PCDH15: variants seen among roughly 807,000 people sequenced by gnomAD.
PCDH15 encodes the protein protocadherin related 15.
In PCDH15, 129 loss-of-function variants were observed where a neutral mutation model predicts 178.5. The observed-to-expected ratio is 0.72, with a 90% CI of 0.63 to 0.84. The LOEUF (loss-of-function observed/expected upper bound fraction) is 0.84. PCDH15 is among the 40% of genes least tolerant of loss of function. The pLI is 0.00. For missense variants in PCDH15, 2,230 were observed against 2,099.9 expected (o/e 1.06, Z -1.21); for synonymous variants, 800 against 732.0 (o/e 1.09, Z -1.50).
intron 2 of PCDH15, among the ~76,000 whole-genome samples, chr10:55,365,088 C>T (rs1845323276): frequency 6.6e-6 from 1 of 152,038 alleles, no homozygotes; most frequent in South Asian, 2.1e-4. Flanking sequence ...GTAATTTCAA[C>T]ATTTTTTTCT....
intron 2 of PCDH15, among the ~76,000 whole-genome samples, chr10:54,909,748 G>C (rs1338610844): frequency 6.6e-6 from 1 of 152,124 alleles, no homozygotes; most frequent in East Asian, 1.9e-4. Flanking sequence ...AGCTGCAGTT[G>C]CTCCTGGGGA....
chr10:54,058,697 TC>T (rs144165017), intron 18 of PCDH15, among the ~76,000 whole-genome samples: 22,077 of 91,230 alleles, frequency 0.24, 1,723 homozygotes, highest in Admixed American at 0.27. Flanking sequence ...TTTCTTTCTT[TC>T]TTTTTTTTTT....
chr10:54,121,973 A>C (rs991144130), intron 15 of PCDH15, among the ~76,000 whole-genome samples: 1 of 148,986 alleles, frequency 6.7e-6, no homozygotes, highest in African/African-American at 2.5e-5. Context: ...AGCCAGCATC[A>C]CCTAATATCT....
At chr10:55,397,089 T>G (rs1052822409) in intron 2 of PCDH15, among the ~76,000 whole-genome samples, 1 of 152,192 alleles carries the variant, frequency 6.6e-6, no homozygotes, top group Non-Finnish European at 1.5e-5. Context: ...TGCTATGTAG[T>G]TATATAAATT....
At chr10:55,173,980 T>G (rs1839412056) in intron 1 of PCDH15, among the ~76,000 whole-genome samples, 1 of 152,128 alleles carries the variant, frequency 6.6e-6, no homozygotes, top group South Asian at 2.1e-4. Context: ...ATTTCACACT[T>G]TATGGTACAT....
chr10:53,981,144 T>C (rs1247724709), intron 21 of PCDH15, among the ~76,000 whole-genome samples: 1 of 152,172 alleles, frequency 6.6e-6, no homozygotes, highest in Admixed American at 6.5e-5. Context: ...TACAGAGTAA[T>C]AAGGCGAGAA....
At chr10:54,892,726 T>A in intron 3 of PCDH15, among the ~76,000 whole-genome samples, 1 of 141,172 alleles carries the variant, frequency 7.1e-6, no homozygotes, top group East Asian at 2.0e-4. Context: ...ATAATAATAA[T>A]TTTTCTTTTT....
intron 3 of PCDH15, among the ~76,000 whole-genome samples, chr10:54,516,908 A>G (rs888851547): frequency 8.5e-5 from 13 of 152,154 alleles, no homozygotes; most frequent in African/African-American, 2.9e-4. Flanking sequence ...CCAATATTCA[A>G]CATTCTTAAA....
chr10:54,964,468 G>A (rs1056593455), intron 2 of PCDH15, among the ~76,000 whole-genome samples: 76 of 152,050 alleles, frequency 5.0e-4, no homozygotes, highest in Non-Finnish European at 7.4e-5. Context: ...AACTGTATCA[G>A]CCTGGAAAAA....
At chr10:53,961,049 TA>T (rs1468621552) in intron 22 of PCDH15, among the ~76,000 whole-genome samples, 1 of 152,168 alleles carries the variant, frequency 6.6e-6, no homozygotes, top group Non-Finnish European at 1.5e-5. Flanking sequence ...GTTTCATTAG[TA>T]TTTGAAGAAA....
chr10:55,077,755 C>T (rs1367803921), intron 2 of PCDH15, among the ~76,000 whole-genome samples: 3 of 152,140 alleles, frequency 2.0e-5, no homozygotes, highest in Non-Finnish European at 2.9e-5. Context: ...CCATGTTGGA[C>T]AGACTGGTCT....
chr10:54,619,007 C>A (rs2093274109), intron 2 of PCDH15: 1 of 151,992 alleles, frequency 6.6e-6, no homozygotes, highest in Non-Finnish European at 1.5e-5. Flanking sequence ...AATTTCAGTT[C>A]ATGATGTTAC....
rs762959187 is a variant in PCDH15 at position 54,669,411 on chromosome 10, T to C, written c.-28-5121A>G. Among the ~76,000 whole-genome samples the C allele has an allele frequency of 5.2e-4, 78 of 151,230 alleles. 1 individual carries two copies. Among genetic ancestry groups the C allele is most frequent in the Admixed American group, 7.3e-4 (11 of 15,118 alleles). ...TTGATATTTATTGACAATTTTATAG[T>C]ACATTTATACATATTTATATATAAA... On this transcript the variant is annotated intron_variant, in intron 1 of 37. Transcript: ENST00000644397.
At chr10:54,079,500 A>G (rs1004345135) in intron 16 of PCDH15, 76 bp from the exon 17 acceptor site, 4 of 1,299,996 alleles carry the variant, frequency 3.1e-6, no homozygotes, top group African/African-American at 1.5e-5. Flanking sequence ...AGTATAGTGA[A>G]TTACTTTTGA....
intron 1 of PCDH15, among the ~76,000 whole-genome samples, chr10:55,198,978 A>G (rs191919260): frequency 6.6e-6 from 1 of 152,154 alleles, no homozygotes; most frequent in Admixed American, 6.5e-5. Flanking sequence ...TAAATTACCC[A>G]ATCTCAGGTA....
chr10:54,607,533 T>C (rs1218155544), intron 2 of PCDH15, among the ~76,000 whole-genome samples: 1 of 152,084 alleles, frequency 6.6e-6, no homozygotes, highest in African/African-American at 2.4e-5. Context: ...CTGGCATATG[T>C]TTATGTTTTG....
chr10:54,003,822 AG>A (rs2092279432), intron 20 of PCDH15, among the ~76,000 whole-genome samples: 1 of 151,682 alleles, frequency 6.6e-6, no homozygotes, highest in South Asian at 2.1e-4. Context: ...TACCAAAGCT[AG>A]ACAAAGAGAC....
At chr10:55,193,242 C>T (rs1343371474) in intron 1 of PCDH15, among the ~76,000 whole-genome samples, 1 of 151,214 alleles carries the variant, frequency 6.6e-6, no homozygotes, top group African/African-American at 2.4e-5. Flanking sequence ...ATAGCAAGCA[C>T]CAATTAAAGA....
intron 2 of PCDH15, among the ~76,000 whole-genome samples, chr10:55,125,163 T>TTTTGTGTG (rs1554833072): frequency 4.2e-5 from 6 of 142,980 alleles, no homozygotes; most frequent in South Asian, 2.3e-4. Flanking sequence ...TTTTTTTTAA[T>TTTTGTGTG]TGTGTGTGTG....
Sources: gnomAD v4.1 joint callset for allele counts (sites outside exome capture counted in the v4.1 genomes callset) on GRCh38, gnomAD v4.1.1 for gene constraint, MANE v1.5 for transcripts, NCBI Gene and HGNC (gene_info 2026-07-23, HGNC 2026-07-21) for gene names.